The following SND1 variants were observed in gnomAD, a reference collection of about 807,000 sequenced individuals.
SND1 encodes staphylococcal nuclease domain-containing protein 1.
In SND1, 38 loss-of-function variants were observed where a neutral mutation model predicts 121.7. That is an observed-to-expected ratio of 0.31 (90% CI 0.24 to 0.41). The LOEUF (loss-of-function observed/expected upper bound fraction) is 0.41, where lower values mean the gene tolerates loss of function less well. Among genes scored for constraint, SND1 ranks in the 10% least tolerant of loss-of-function variants. SND1 has a pLI of 1.00. For missense variants in SND1, 868 were observed against 1,184.6 expected, an observed-to-expected ratio of 0.73 and a Z score of 3.92; for synonymous variants, 401 against 447.4, an observed-to-expected ratio of 0.90 and a Z score of 1.31.
At chr7:127,664,647 C>T (rs758008138) in intron 1 of SND1, among the ~76,000 whole-genome samples, 11 of 152,118 alleles carry the variant, frequency 7.2e-5, no homozygotes, top group Admixed American at 2.0e-4. Context: ...TTAATAAACC[C>T]GAGAAGAGGC....
intron 10 of SND1, among the ~76,000 whole-genome samples, chr7:127,736,274 T>C (rs1796775137): frequency 6.6e-6 from 1 of 152,226 alleles, no homozygotes; most frequent in Non-Finnish European, 1.5e-5. Context: ...AAATACAAAT[T>C]ACTTAAATTT....
intron 10 of SND1, among the ~76,000 whole-genome samples, chr7:127,802,466 C>T (rs937625538): frequency 5.9e-5 from 9 of 152,184 alleles, no homozygotes; most frequent in Non-Finnish European, 8.8e-5. Flanking sequence ...TCCCATTTTG[C>T]TTGCCTTAGT....
At chr7:127,990,002 G>C (rs1802485315) in intron 15 of SND1, among the ~76,000 whole-genome samples, 1 of 152,298 alleles carries the variant, frequency 6.6e-6, no homozygotes, top group African/African-American at 2.4e-5. Flanking sequence ...TACAAAAAAA[G>C]AGTATGAAGG....
At chr7:127,659,873 A>C (rs1471094445) in intron 1 of SND1, among the ~76,000 whole-genome samples, 2 of 152,132 alleles carry the variant, frequency 1.3e-5, no homozygotes, top group Non-Finnish European at 2.9e-5. Flanking sequence ...CAGTCCCATA[A>C]GGCTGTAATT....
chr7:127,999,290 C>G (rs548907520), intron 16 of SND1: 1 of 151,948 alleles, frequency 6.6e-6, no homozygotes, highest in Non-Finnish European at 1.5e-5. Context: ...CTTCCCTTCC[C>G]TTCCCCTAGG....
In SND1 at chr7:127,854,814, G is replaced by A. The variant is rs116654731; in HGVS notation, c.1343+10390G>A. 8.0e-3 allele frequency among the ~76,000 whole-genome samples: 1,208 copies of A among 151,908 alleles called. 12 individuals carry two copies. Among genetic ancestry groups the A allele is most frequent in the African/African-American group, 0.025 (1,026 of 41,442 alleles). ...ACTAAGTGTTAAGGGGAATAGGAATGGAGTTTTTATAAATTTTTGTAACTC... is the reference window on the plus strand; with the variant it reads ...ACTAAGTGTTAAGGGGAATAGGAATAGAGTTTTTATAAATTTTTGTAACTC... On this transcript the variant is annotated intron_variant, in intron 12 of 23. Coordinates refer to ENST00000354725, the MANE Select transcript of SND1 (RefSeq NM_014390.4).
chr7:127,950,649 C>T (rs1310114592), intron 15 of SND1, among the ~76,000 whole-genome samples: 1 of 152,220 alleles, frequency 6.6e-6, no homozygotes, highest in Non-Finnish European at 1.5e-5. Context: ...TTCCCTCCCT[C>T]CTGCCCAGAT....
intron 13 of SND1, among the ~76,000 whole-genome samples, chr7:127,901,155 T>C (rs1431464460): frequency 1.3e-5 from 2 of 152,192 alleles, no homozygotes; most frequent in Non-Finnish European, 2.9e-5. Context: ...TCCACAAATC[T>C]ATCCCAGAGA....
chr7:128,011,192 G>A (rs1803109338), intron 16 of SND1, among the ~76,000 whole-genome samples: 1 of 151,824 alleles, frequency 6.6e-6, no homozygotes, highest in South Asian at 2.1e-4. Flanking sequence ...CAGAATATTA[G>A]GCCACAGAGA....
intron 10 of SND1, among the ~76,000 whole-genome samples, chr7:127,751,091 G>T (rs1301786721): frequency 6.6e-6 from 1 of 152,110 alleles, no homozygotes; most frequent in Non-Finnish European, 1.5e-5. Context: ...TAGAAAATTA[G>T]TGTAAGCAAA....
chr7:128,058,870 T>G (rs1793185389), intron 16 of SND1, among the ~76,000 whole-genome samples: 1 of 152,034 alleles, frequency 6.6e-6, no homozygotes, highest in African/African-American at 2.4e-5. Context: ...CCCTGATTCC[T>G]CCATCCCCGA....
chr7:127,748,004 G>A (rs1362834558), intron 10 of SND1, among the ~76,000 whole-genome samples: 2 of 152,264 alleles, frequency 1.3e-5, no homozygotes, highest in East Asian at 3.9e-4. Context: ...TATTGCTTTG[G>A]ATCAAGAACA....
chr7:127,949,726 C>G (rs1364271324), intron 15 of SND1, among the ~76,000 whole-genome samples: 2 of 152,158 alleles, frequency 1.3e-5, no homozygotes, highest in African/African-American at 4.8e-5. Flanking sequence ...TTGAAGCTGC[C>G]TCCCAGCTTG....
chr7:127,657,428 G>A (rs1050575119), intron 1 of SND1, among the ~76,000 whole-genome samples: 3 of 152,180 alleles, frequency 2.0e-5, no homozygotes, highest in African/African-American at 7.2e-5. Flanking sequence ...ATAAAGGAAG[G>A]GCGTTCCTGG....
chr7:128,007,289 G>T (rs1013798070), intron 16 of SND1, among the ~76,000 whole-genome samples: 1 of 152,174 alleles, frequency 6.6e-6, no homozygotes, highest in African/African-American at 2.4e-5. Flanking sequence ...GGAGGGAAAA[G>T]AAGAATCTAC....
chr7:128,013,597 C>T (rs1268615465), intron 16 of SND1, among the ~76,000 whole-genome samples: 1 of 152,218 alleles, frequency 6.6e-6, no homozygotes, highest in East Asian at 1.9e-4. Flanking sequence ...TTTCCATGGA[C>T]TGGTCGGGTG....
chr7:127,716,324 T>C (rs1210772601), intron 9 of SND1, among the ~76,000 whole-genome samples: 2 of 152,232 alleles, frequency 1.3e-5, no homozygotes, highest in Non-Finnish European at 2.9e-5. Flanking sequence ...GACAGTATTG[T>C]CTTCCAGTCC....
intron 15 of SND1, among the ~76,000 whole-genome samples, chr7:127,957,543 T>C (rs1801623495): frequency 6.6e-6 from 1 of 152,250 alleles, no homozygotes. Context: ...CCACTTGTTA[T>C]GTACCTTTTA....
intron 10 of SND1, among the ~76,000 whole-genome samples, chr7:127,754,280 G>C (rs766802422): frequency 3.3e-5 from 5 of 152,152 alleles, no homozygotes; most frequent in Non-Finnish European, 5.9e-5. Context: ...ATCATGCTTT[G>C]AGAGATCCTA....
Sources: gnomAD v4.1 joint callset for allele counts (sites outside exome capture counted in the v4.1 genomes callset) on GRCh38, gnomAD v4.1.1 for gene constraint, MANE v1.5 for transcripts, NCBI Gene and HGNC (gene_info 2026-07-23, HGNC 2026-07-21) for gene names.